PYROXD1: variants seen among roughly 807,000 people sequenced by gnomAD.
PYROXD1 encodes the protein pyridine nucleotide-disulphide oxidoreductase domain 1.
In PYROXD1, 42 loss-of-function variants were observed where a neutral mutation model predicts 62.0. The ratio of observed to expected loss-of-function variants is 0.68; its 90% CI spans 0.53 to 0.88. PYROXD1 has a LOEUF of 0.88. Among genes scored for constraint, PYROXD1 ranks in the 40% least tolerant of loss-of-function variants. PYROXD1 has a pLI of 0.00. For synonymous variants in PYROXD1, 170 were observed against 206.4 expected (o/e 0.82, Z 1.51); for missense variants, 493 against 604.8 (o/e 0.82, Z 1.94).
chr12:21,467,395 C>T (rs751674107), intron 10 of PYROXD1, 86 bp from the exon 11 acceptor site: 75 of 1,233,076 alleles, frequency 6.1e-5, no homozygotes, highest in Non-Finnish European at 8.1e-5. Context: ...AAACATTGAA[C>T]TCCTTTAAGT....
rs1942875973 is a variant in PYROXD1 at position 21,469,503 on chromosome 12, C to G, written c.*749C>G. The G allele has an allele frequency of 6.7e-6, 1 of 148,428 alleles. No homozygotes were observed. The highest frequency in any genetic ancestry group is 6.8e-5 in the Admixed American group (1 of 14,750). The allele number at this position is 148,428 out of a possible 1,614,324, so 9.2% of individuals were successfully genotyped here. ...GGACATCCCTGATCTACATATTTAA[C>G]TTAAAGTATCACTCAGTGAACCTCT... On this transcript the variant is annotated 3_prime_UTR_variant, in exon 12 of 12. Coordinates refer to ENST00000240651, the MANE Select transcript of PYROXD1 (RefSeq NM_024854.5).
intron 7 of PYROXD1, among the ~76,000 whole-genome samples, chr12:21,459,079 C>T (rs953680594): frequency 1.3e-5 from 2 of 152,160 alleles, no homozygotes; most frequent in Admixed American, 6.6e-5. Flanking sequence ...TTTTTGGCAT[C>T]TCCAAAGTGA....
At chr12:21,438,474 G>C (rs1275585528) in intron 1 of PYROXD1, 1 of 152,188 alleles carries the variant, frequency 6.6e-6, no homozygotes, top group Non-Finnish European at 1.5e-5. Flanking sequence ...AGGTGATTGA[G>C]TTTAGTTTCC....
chr12:21,449,980 C>T (rs1682194080), intron 4 of PYROXD1, among the ~76,000 whole-genome samples: 2 of 151,628 alleles, frequency 1.3e-5, no homozygotes, highest in East Asian at 1.9e-4. Context: ...GCCTCAGCCT[C>T]CCGAGAAGCT....
chr12:21,443,222 TTTTC>T (rs1432258251), intron 2 of PYROXD1, among the ~76,000 whole-genome samples: 2 of 152,218 alleles, frequency 1.3e-5, no homozygotes, highest in Non-Finnish European at 2.9e-5. Flanking sequence ...CTTCTATTCT[TTTTC>T]TCCATTTTCC....
Position 21,445,139 on chromosome 12 carries a change from A to G in PYROXD1, c.166-208A>G, listed in dbSNP as rs1727446864. 2.0e-5 allele frequency among the ~76,000 whole-genome samples: 3 copies of G among 152,198 alleles called. No individual in the cohort carries two copies. In the South Asian group the frequency reaches 6.2e-4, roughly 32 times the overall value. ...TAGCCAGGAAACTATGGCTTGTAGC[A>G]CCTGACTTGCCCAGGAGCGGCCAAG... On this transcript the variant is annotated intron_variant, in intron 2 of 11. Transcript: ENST00000240651.
intron 10 of PYROXD1, among the ~76,000 whole-genome samples, chr12:21,463,452 G>A (rs1207468571): frequency 6.6e-6 from 1 of 152,048 alleles, no homozygotes; most frequent in Non-Finnish European, 1.5e-5. Flanking sequence ...ACTTTGGGAG[G>A]GTGAGAGGCA....
intron 3 of PYROXD1, among the ~76,000 whole-genome samples, chr12:21,446,372 C>A (rs966701696): frequency 6.6e-6 from 1 of 152,022 alleles, no homozygotes; most frequent in Non-Finnish European, 1.5e-5. Context: ...TTGCAGTGAG[C>A]CCAGATCGCA....
intron 3 of PYROXD1, 56 bp from the exon 4 acceptor site, chr12:21,449,504 AGTT>A: frequency 6.6e-7 from 1 of 1,515,792 alleles, no homozygotes; most frequent in Non-Finnish European, 8.9e-7. Flanking sequence ...TTTAAAGTGA[AGTT>A]GTATCCATGT....
chr12:21,452,940 G>A (rs1942527695), intron 5 of PYROXD1, among the ~76,000 whole-genome samples: 1 of 152,048 alleles, frequency 6.6e-6, no homozygotes, highest in Non-Finnish European at 1.5e-5. Context: ...TTTAGCGGAT[G>A]ATCTCACCCA....
chr12:21,458,336 G>T (rs1367543784), intron 7 of PYROXD1, among the ~76,000 whole-genome samples: 1 of 152,150 alleles, frequency 6.6e-6, no homozygotes, highest in African/African-American at 2.4e-5. Context: ...TCTGGGTTAG[G>T]CTTTGGCCTA....
intron 9 of PYROXD1, 99 bp downstream of exon 9, chr12:21,462,219 A>G (rs1004809098): frequency 1.2e-5 from 8 of 682,168 alleles, no homozygotes; most frequent in African/African-American, 9.1e-5. Flanking sequence ...TTAGTGTACA[A>G]CTGTAACTTA....
chr12:21,449,555 A>C lies in PYROXD1; in HGVS notation c.286-8A>C. On this transcript the variant is annotated splice_polypyrimidine_tract_variant and splice_region_variant and intron_variant, in intron 3 of 11. Transcript: ENST00000240651. ...TCCCTTTTCTTTCATTGTTTGATGT[A>C]TTTACAGTGCATTGTAACAGAAGAT... is the stretch of plus-strand genomic sequence containing the variant. 2 of 1,609,260 alleles carry C rather than the reference A, an allele frequency of 1.2e-6. No individual in the cohort carries two copies. Among genetic ancestry groups the C allele is most frequent in the Non-Finnish European group, 1.7e-6 (2 of 1,178,284 alleles).
intron 3 of PYROXD1, chr12:21,448,215 C>G: frequency 1.8e-6 from 1 of 569,558 alleles, no homozygotes; most frequent in Non-Finnish European, 3.4e-6. Context: ...TTTCTCTTCC[C>G]CATCCATTTT....
chr12:21,456,823 T>C, intron 7 of PYROXD1: 1 of 402,938 alleles, frequency 2.5e-6, no homozygotes, highest in South Asian at 1.6e-5. Flanking sequence ...TGCTACTGCT[T>C]TACCAAGTAT....
intron 1 of PYROXD1, among the ~76,000 whole-genome samples, chr12:21,439,305 C>T (rs1054109116): frequency 2.6e-5 from 4 of 152,104 alleles, no homozygotes; most frequent in African/African-American, 9.7e-5. Flanking sequence ...ATACGTGAAA[C>T]TGGAGAGCCA....
chr12:21,461,240 CT>C (rs1942693621), intron 8 of PYROXD1, 86 bp downstream of exon 8: 2 of 827,928 alleles, frequency 2.4e-6, no homozygotes, highest in Non-Finnish European at 3.5e-6. Context: ...TTAAAAATAA[CT>C]TCGTATTTCC....
rs767495934 is a variant in PYROXD1, at chr12:21,437,853, C to T, written c.84+39C>T. On this transcript the variant is annotated intron_variant, in intron 1 of 11. Transcript: ENST00000240651. ...CAGGCGGTTCCGCCTCTTTCCCCGA[C>T]CCCAAAGGGGATAGCACTGGAGGCC... 4.5e-6 allele frequency: 7 copies of T among 1,570,186 alleles called. No homozygotes were observed. In the South Asian group the frequency reaches 5.7e-5, roughly 13 times the overall value.
chr12:21,449,650 A>G lies in PYROXD1; in HGVS notation c.373A>G (p.Asn125Asp), dbSNP rs1041722674. 15 of 1,613,412 alleles carry G rather than the reference A, an allele frequency of 9.3e-6. No homozygotes were observed. Among genetic ancestry groups the G allele is most frequent in the Non-Finnish European group, 1.3e-5 (15 of 1,179,520 alleles). ...GAKPKLICEG[N>D]PYVLGIRDTD... ...TAAACCAAAGTTGATATGTGAAGGAAATCCTTATGTATTAGGAATCCGTGA... is the reference window on the plus strand; with the variant it reads ...TAAACCAAAGTTGATATGTGAAGGAGATCCTTATGTATTAGGAATCCGTGA... Residue 125 changes from asparagine (N) to aspartate (D), a missense_variant, in exon 4 of 12, where the codon AAT (asparagine) becomes GAT (aspartate). Asn to Asp is a conservative substitution (Grantham distance 23). This residue lies in a region of PYROXD1 where 164 missense variants were observed against 158.2 expected (regional missense o/e 1.04). Transcript: ENST00000240651.
Sources: allele counts gnomAD v4.1 joint callset (sites outside exome capture counted in the v4.1 genomes callset), GRCh38; gene constraint gnomAD v4.1.1; regional missense constraint gnomAD v4.1.1; transcripts MANE v1.5; gene names NCBI Gene and HGNC (gene_info 2026-07-23, HGNC 2026-07-21).